RPSA2: variants seen among roughly 807,000 people sequenced by gnomAD.
RPSA2 encodes the protein small ribosomal subunit protein uS2B.
chr19:23,796,566 A>AAAAAGGACAGACAGC, the RPSA2 span, among the ~76,000 whole-genome samples: 5 of 152,082 alleles, frequency 3.3e-5, no homozygotes, highest in Admixed American at 3.3e-4. Context: ...ACAGCTGTGA[A>AAAAAGGACAGACAGC]TCTGTCTGGT....
chr19:23,807,605 A>G, the RPSA2 span, among the ~76,000 whole-genome samples: 28 of 151,846 alleles, frequency 1.8e-4, no homozygotes, highest in Non-Finnish European at 2.8e-4. Context: ...GACAAGTATC[A>G]TATATACACT....
chr19:23,832,569 G>A, the RPSA2 span: 5 of 976,384 alleles, frequency 5.1e-6, no homozygotes, highest in South Asian at 1.5e-5. Flanking sequence ...CAAGAATGTG[G>A]CAATGCTTTT....
the RPSA2 span, chr19:23,826,948 C>T: frequency 1.8e-6 from 1 of 554,358 alleles, no homozygotes; most frequent in African/African-American, 1.9e-5. Flanking sequence ...CCTTGGCCTC[C>T]CAAAGTGCTG....
chr19:23,833,609 G>A, the RPSA2 span, among the ~76,000 whole-genome samples: 1 of 151,992 alleles, frequency 6.6e-6, no homozygotes, highest in Admixed American at 6.6e-5. Context: ...GCACAGGAAA[G>A]CATTTATAAG....
the RPSA2 span, chr19:23,818,917 A>C: frequency 6.6e-6 from 1 of 152,456 alleles, no homozygotes; most frequent in Admixed American, 6.5e-5. Flanking sequence ...GCATACCTAT[A>C]ATAAGTGGTA....
the RPSA2 span, among the ~76,000 whole-genome samples, chr19:23,805,167 T>TTC: frequency 6.6e-6 from 1 of 150,856 alleles, no homozygotes; most frequent in Admixed American, 6.6e-5. Context: ...ACACACACTT[T>TTC]TTTTCTTTTT....
chr19:23,865,662 C>T, the RPSA2 span, among the ~76,000 whole-genome samples: 13 of 152,182 alleles, frequency 8.5e-5, no homozygotes, highest in African/African-American at 3.1e-4. Flanking sequence ...GAATTGGCCT[C>T]TGCCACCCCC....
the RPSA2 span, chr19:23,808,030 A>G: frequency 5.1e-6 from 1 of 194,438 alleles, no homozygotes; most frequent in African/African-American, 2.4e-5. Context: ...ATGCTTTCAA[A>G]TTTCTGTTTT....
the RPSA2 span, among the ~76,000 whole-genome samples, chr19:23,762,316 G>A: frequency 6.6e-6 from 1 of 151,978 alleles, no homozygotes; most frequent in African/African-American, 2.4e-5. Flanking sequence ...AGTGTGGTAC[G>A]GCATGGTGAG....
chr19:23,847,023 A>C, the RPSA2 span, among the ~76,000 whole-genome samples: 1 of 152,086 alleles, frequency 6.6e-6, no homozygotes, highest in Admixed American at 6.5e-5. Context: ...ATGTAGTTGC[A>C]AATATCTCCA....
chr19:23,835,469 C>A, the RPSA2 span, among the ~76,000 whole-genome samples: 2 of 152,100 alleles, frequency 1.3e-5, no homozygotes, highest in Non-Finnish European at 2.9e-5. Context: ...ATGGTGAAAG[C>A]AAATCTATGC....
the RPSA2 span, chr19:23,827,817 A>C: frequency 3.8e-6 from 6 of 1,567,026 alleles, no homozygotes; most frequent in Admixed American, 3.3e-5. Flanking sequence ...GCTGCTGCTG[A>C]GAAGGCAGTG....
the RPSA2 span, chr19:23,799,353 C>G: frequency 2.6e-5 from 4 of 152,192 alleles, no homozygotes; most frequent in Non-Finnish European, 5.9e-5. Context: ...TATCTGGATG[C>G]ATGCTGGAAA....
At chr19:23,851,286 G>A in the RPSA2 span, among the ~76,000 whole-genome samples, 2 of 152,168 alleles carry the variant, frequency 1.3e-5, no homozygotes, top group Non-Finnish European at 2.9e-5. Flanking sequence ...GAGCAGCAGT[G>A]GACAGTAAGC....
chr19:23,831,731 G>A, the RPSA2 span: 1 of 266,170 alleles, frequency 3.8e-6, no homozygotes, highest in African/African-American at 2.3e-5. Context: ...TAAAAGTGTG[G>A]ATGAGTGTCA....
At chr19:23,830,845 T>C in the RPSA2 span, among the ~76,000 whole-genome samples, 1 of 152,154 alleles carries the variant, frequency 6.6e-6, no homozygotes, top group Non-Finnish European at 1.5e-5. Flanking sequence ...ATATTTTATC[T>C]TTGATTGTGA....
the RPSA2 span, among the ~76,000 whole-genome samples, chr19:23,768,026 A>G: frequency 4.6e-5 from 7 of 152,080 alleles, no homozygotes; most frequent in African/African-American, 7.2e-5. Flanking sequence ...CAGCTTCCCA[A>G]AGTGCTGGGA....
the RPSA2 span, among the ~76,000 whole-genome samples, chr19:23,805,799 A>G: frequency 6.6e-6 from 1 of 152,114 alleles, no homozygotes; most frequent in East Asian, 1.9e-4. Flanking sequence ...CTCCCTAATG[A>G]GTTTTTCTTA....
the RPSA2 span, among the ~76,000 whole-genome samples, chr19:23,764,869 T>TA: frequency 3.3e-5 from 5 of 152,006 alleles, no homozygotes; most frequent in Admixed American, 6.6e-5. Context: ...TACTAGTACG[T>TA]CTTTGGGTTG....
Sources: gnomAD v4.1 joint callset for allele counts (sites outside exome capture counted in the v4.1 genomes callset) on GRCh38, gnomAD v4.1.1 for gene constraint, MANE v1.5 for transcripts, NCBI Gene and HGNC (gene_info 2026-07-23, HGNC 2026-07-21) for gene names.